Variants in UHRF2 observed in about 807,000 individuals in gnomAD.
The protein encoded by UHRF2 is E3 ubiquitin-protein ligase UHRF2.
A neutral mutation model predicts 96.8 loss-of-function variants in UHRF2; 23 were observed. That is an observed-to-expected ratio of 0.24 (90% CI 0.17 to 0.34). The LOEUF is 0.34. UHRF2 is among the 10% of genes least tolerant of loss of function. The pLI is 1.00. For missense variants in UHRF2, 685 were observed against 981.5 expected (o/e 0.70, Z 4.04); for synonymous variants, 385 against 332.6 (o/e 1.16, Z -1.72).
intron 4 of UHRF2, among the ~76,000 whole-genome samples, chr9:6,461,380 C>A (rs1222870762): frequency 9.0e-6 from 1 of 111,110 alleles, no homozygotes. Flanking sequence ...CCCCCTCCTC[C>A]TTCTCTCCTC....
intron 9 of UHRF2, among the ~76,000 whole-genome samples, chr9:6,489,726 T>C (rs547714175): frequency 7.1e-6 from 1 of 140,204 alleles, no homozygotes; most frequent in African/African-American, 2.9e-5. Context: ...AATTGGGTTT[T>C]TGTTTTTTTT....
intron 3 of UHRF2, among the ~76,000 whole-genome samples, chr9:6,454,782 C>A (rs559081095): frequency 6.6e-4 from 101 of 152,286 alleles, no homozygotes; most frequent in Non-Finnish European, 1.2e-3. Flanking sequence ...CTTTTTAATG[C>A]TGCCTCACTC....
Position 6,433,959 on chromosome 9 carries a change from T to C in UHRF2, c.430T>C (p.Phe144Leu). 1 of 1,613,748 alleles carries C rather than the reference T, an allele frequency of 6.2e-7. No homozygotes were observed. Among genetic ancestry groups the C allele is most frequent in the Non-Finnish European group, 8.5e-7 (1 of 1,179,732 alleles). The change falls in exon 3 of 16, where the codon TTT becomes CTT. Residue 144 changes from phenylalanine (F) to leucine (L), a missense_variant. Around this residue, in one of 6 missense-constraint regions of UHRF2, gnomAD observed 391 missense variants for 437.0 expected, o/e 0.89. Transcript: ENST00000276893. ...CAGAGATGTCGGCCTTGGTGCTTGG[T>C]TTGAAGCACACATACATAGTGTTAC... ...DARDVGLGAWFEAHIHSVTRA... is the reference protein window; with the variant it reads ...DARDVGLGAWLEAHIHSVTRA...
chr9:6,486,710 G>T, intron 8 of UHRF2, 111 bp from the exon 9 acceptor site: 1 of 972,376 alleles, frequency 1.0e-6, no homozygotes, highest in Non-Finnish European at 1.5e-6. Flanking sequence ...ATAGAACTCT[G>T]TGAGACTCAC....
intron 3 of UHRF2, among the ~76,000 whole-genome samples, chr9:6,451,022 AGGGTT>A (rs1359178238): frequency 2.0e-5 from 3 of 152,200 alleles, no homozygotes; most frequent in Non-Finnish European, 4.4e-5. Context: ...AGAGGAGGAA[AGGGTT>A]ACAACTTAAC....
In UHRF2 at chr9:6,413,429, G is replaced by A. The variant is rs1709490037; in HGVS notation, c.-62G>A. The A allele has an allele frequency of 1.1e-5, 14 of 1,313,152 alleles. No homozygotes were observed. Among genetic ancestry groups the A allele is most frequent in the South Asian group, 2.6e-5 (1 of 38,038 alleles). 81.3% of individuals were successfully genotyped at this position (1,313,152 alleles called of 1,614,324 possible). ...GCAGGGAAAGCGGCGCGGGCCGGGC[G>A]GGGCGCGGCGCCCAGAGCTCAGGGG... On this transcript the variant is annotated 5_prime_UTR_variant, in exon 1 of 16. Coordinates refer to ENST00000276893, the MANE Select transcript of UHRF2 (RefSeq NM_152896.3).
chr9:6,453,598 C>T (rs575194221), intron 3 of UHRF2, among the ~76,000 whole-genome samples: 1 of 152,012 alleles, frequency 6.6e-6, no homozygotes, highest in Non-Finnish European at 1.5e-5. Context: ...TGAAACAACA[C>T]GAGTGTATAA....
chr9:6,423,084 A>G (rs1587764667), intron 2 of UHRF2: 1 of 155,942 alleles, frequency 6.4e-6, no homozygotes, highest in African/African-American at 2.4e-5. Context: ...ATTTAAGACC[A>G]AAAAATTGGT....
At chr9:6,434,330 A>G (rs1055142482) in intron 3 of UHRF2, 157 bp downstream of exon 3, 2 of 836,638 alleles carry the variant, frequency 2.4e-6, no homozygotes, top group African/African-American at 1.7e-5. Context: ...ACTCTAATTT[A>G]AAGGTCCTTT....
intron 8 of UHRF2, 123 bp from the exon 9 acceptor site, chr9:6,486,698 A>C (rs1378801607): frequency 5.9e-6 from 5 of 848,446 alleles, no homozygotes; most frequent in Non-Finnish European, 9.0e-6. Flanking sequence ...AGAGAGCAAA[A>C]GATAGAACTC....
rs1470697959 is a variant in UHRF2, at chr9:6,481,741, C to T, written c.1259C>T (p.Thr420Ile). 6.2e-7 allele frequency: 1 copy of T among 1,613,820 alleles called. No homozygotes were observed. Among genetic ancestry groups the T allele is most frequent in the Non-Finnish European group, 8.5e-7 (1 of 1,179,848 alleles). Residue 420 changes from threonine (T) to isoleucine (I), a missense_variant, in exon 7 of 16, where the codon ACT becomes ATT. By Grantham distance (89) the Thr-to-Ile change is moderately conservative. Coordinates refer to ENST00000276893, the MANE Select transcript of UHRF2 (RefSeq NM_152896.3). Reference protein sequence around the residue: ...KKKAKMPSASTESRRDWGRGM... With the variant: ...KKKAKMPSASIESRRDWGRGM... Reference sequence around the variant, plus strand: ...AAAGCAAAGATGCCGTCAGCTAGTACTGAAAGCCGAAGAGACTGGGGCAGG... The same window carrying T: ...AAAGCAAAGATGCCGTCAGCTAGTATTGAAAGCCGAAGAGACTGGGGCAGG...
chr9:6,442,477 GTTTGTT>G (rs1563759229), intron 3 of UHRF2, among the ~76,000 whole-genome samples: 11 of 11,882 alleles, frequency 9.3e-4, no homozygotes, highest in Non-Finnish European at 2.2e-3. Flanking sequence ...GTTTTGTTTT[GTTTGTT>G]TTGTTTTGTT....
At chr9:6,476,035 C>G (rs1483218900) in intron 5 of UHRF2, among the ~76,000 whole-genome samples, 1 of 152,158 alleles carries the variant, frequency 6.6e-6, no homozygotes, top group Non-Finnish European at 1.5e-5. Context: ...TCCCCTGTCC[C>G]ACTTCCCTTC....
intron 3 of UHRF2, among the ~76,000 whole-genome samples, chr9:6,452,155 C>G (rs1284165924): frequency 5.3e-5 from 8 of 151,798 alleles, no homozygotes; most frequent in Non-Finnish European, 2.9e-5. Flanking sequence ...TATAGGAGCA[C>G]AATATTCTAT....
intron 4 of UHRF2, 47 bp downstream of exon 4, chr9:6,460,838 G>T (rs1822495740): frequency 6.5e-7 from 1 of 1,528,360 alleles, no homozygotes; most frequent in Non-Finnish European, 8.9e-7. Context: ...AATTGATCAA[G>T]GAATGTATTT....
intron 9 of UHRF2, 79 bp from the exon 10 acceptor site, chr9:6,493,747 A>T: frequency 4.0e-6 from 5 of 1,248,688 alleles, no homozygotes; most frequent in Non-Finnish European, 5.6e-6. Flanking sequence ...TCCTAATGAA[A>T]TGTTTTGACT....
intron 3 of UHRF2, among the ~76,000 whole-genome samples, chr9:6,436,290 G>A (rs1820845557): frequency 6.6e-6 from 1 of 152,030 alleles, no homozygotes; most frequent in African/African-American, 2.4e-5. Flanking sequence ...GTGGCTAAGC[G>A]GCCAACACTG....
chr9:6,445,966 T>TC (rs35680435), intron 3 of UHRF2, among the ~76,000 whole-genome samples: 42,837 of 112,132 alleles, frequency 0.38, 9,833 homozygotes, highest in Non-Finnish European at 0.46. Flanking sequence ...TAAATACTCT[T>TC]CCCCCCCCGC....
At chr9:6,479,905 T>G (rs2130905421) in intron 6 of UHRF2, among the ~76,000 whole-genome samples, 1 of 152,306 alleles carries the variant, frequency 6.6e-6, no homozygotes, top group East Asian at 1.9e-4. Flanking sequence ...AACGGATGTC[T>G]AACTAGACTC....
Sources: allele counts gnomAD v4.1 joint callset (sites outside exome capture counted in the v4.1 genomes callset), GRCh38; gene constraint gnomAD v4.1.1; regional missense constraint gnomAD v4.1.1; transcripts MANE v1.5; gene names NCBI Gene and HGNC (gene_info 2026-07-23, HGNC 2026-07-21).